Variants in SORCS2 observed in about 807,000 individuals in gnomAD.
The protein encoded by SORCS2 is VPS10 domain-containing receptor SorCS2.
In SORCS2, 100 loss-of-function variants were observed where a neutral mutation model predicts 141.6. The ratio of observed to expected loss-of-function variants is 0.71; its 90% CI spans 0.60 to 0.83. The LOEUF (loss-of-function observed/expected upper bound fraction) is 0.83. Ranked by LOEUF, SORCS2 falls within the 40% of genes least tolerant of loss-of-function variation. The probability of loss-of-function intolerance (pLI) is 0.00; values close to 1 mark genes in which losing one functional copy is unlikely to be tolerated. For missense variants in SORCS2, 1,646 were observed against 1,560.2 expected (o/e 1.05, Z -0.93); for synonymous variants, 789 against 676.9 (o/e 1.17, Z -2.57).
intron 2 of SORCS2, among the ~76,000 whole-genome samples, chr4:7,453,786 G>C: frequency 7.3e-6 from 1 of 137,572 alleles, no homozygotes; most frequent in East Asian, 2.4e-4. Context: ...CTGTGTGTTG[G>C]GGTCAGGAGC....
chr4:7,466,340 G>T (rs1465442894), intron 2 of SORCS2, among the ~76,000 whole-genome samples: 1 of 152,134 alleles, frequency 6.6e-6, no homozygotes, highest in Non-Finnish European at 1.5e-5. Context: ...GGGGGAGGGT[G>T]TTATGGGCTG....
In SORCS2 at chr4:7,471,986, AC is replaced by A. The variant is rs367784931; in HGVS notation, c.549-59541del. 4.0e-3 allele frequency among the ~76,000 whole-genome samples: 602 copies of A among 152,286 alleles called. 3 individuals are homozygous for A. Among genetic ancestry groups the A allele is most frequent in the African/African-American group, 0.014 (571 of 41,560 alleles). ...GCCTCCCTCTGGAGAAAGGCCCAGG[AC>A]CCGATTCAGCGGCATCATTCCCTAG... On this transcript the variant is annotated intron_variant, in intron 2 of 26. Transcript: ENST00000507866.
chr4:7,317,256 G>C (rs1171023520), intron 1 of SORCS2, among the ~76,000 whole-genome samples: 1 of 152,202 alleles, frequency 6.6e-6, no homozygotes, highest in African/African-American at 2.4e-5. Flanking sequence ...TGGGAACCCA[G>C]ATGAGGCACC....
chr4:7,277,038 A>G (rs912074365), intron 1 of SORCS2, among the ~76,000 whole-genome samples: 3 of 149,754 alleles, frequency 2.0e-5, no homozygotes, highest in Non-Finnish European at 4.4e-5. Context: ...GGCTATGTTA[A>G]CTGTCCAGCC....
chr4:7,286,996 T>G lies in SORCS2; in HGVS notation c.480+93870T>G, dbSNP rs925706536. Among the ~76,000 whole-genome samples the G allele has an allele frequency of 3.3e-5, 5 of 152,212 alleles. No individual in the cohort carries two copies. Among genetic ancestry groups the G allele is most frequent in the Non-Finnish European group, 5.9e-5 (4 of 68,026 alleles). ...TGCATCAGGTGGCTGCAGCCCGGCC[T>G]GGGAGTTGCCTCCTCCTCCAGGAAG... On this transcript the variant is annotated intron_variant, in intron 1 of 26. Coordinates refer to ENST00000507866, the MANE Select transcript of SORCS2 (RefSeq NM_020777.3). This position sits in a 1 kb window ranked among gnomAD's most constrained non-coding sequence, Gnocchi z 4.1.
At chr4:7,251,971 T>C (rs1203383901) in intron 1 of SORCS2, among the ~76,000 whole-genome samples, 1 of 152,068 alleles carries the variant, frequency 6.6e-6, no homozygotes, top group Non-Finnish European at 1.5e-5. Flanking sequence ...CAGCGGCCAG[T>C]ACTTATGACA....
intron 2 of SORCS2, among the ~76,000 whole-genome samples, chr4:7,505,848 T>C (rs1732245635): frequency 6.6e-6 from 1 of 152,090 alleles, no homozygotes; most frequent in Non-Finnish European, 1.5e-5. Context: ...CGCGGGGCCC[T>C]CATAGAGCTG....
chr4:7,368,902 G>T (rs769972254), intron 1 of SORCS2, among the ~76,000 whole-genome samples: 1 of 152,084 alleles, frequency 6.6e-6, no homozygotes, highest in African/African-American at 2.4e-5. Context: ...GAGATCTGAT[G>T]GTTTTAAAAA....
rs1726989906 is a variant in SORCS2, at chr4:7,724,666, ATAATGGTGGTAGTGG to A, written c.2612-486_2612-472del. ...GGAGGTGATGGTGGTAGTTATGGTG[ATAATGGTGGTAGTGG>A]TGATGGTGGTGGTGTTGGTGATGGT... On this transcript the variant is annotated intron_variant, in intron 19 of 26. Transcript: ENST00000507866. Among the ~76,000 whole-genome samples, 39 of 117,408 alleles carry A rather than the reference ATAATGGTGGTAGTGG, an allele frequency of 3.3e-4. 11 individuals carry two copies. Among genetic ancestry groups the A allele is most frequent in the Non-Finnish European group, 4.2e-4 (23 of 54,398 alleles). 77.0% of individuals were successfully genotyped at this position (117,408 alleles called of 152,430 possible).
intron 2 of SORCS2, chr4:7,433,262 G>A: frequency 7.5e-7 from 1 of 1,333,616 alleles, no homozygotes. Flanking sequence ...GATGGGGAAA[G>A]CACCCACCTC....
chr4:7,732,553 T>C (rs781214172), intron 23 of SORCS2, among the ~76,000 whole-genome samples: 10 of 152,258 alleles, frequency 6.6e-5, no homozygotes, highest in Middle Eastern at 3.4e-3. Context: ...TCCCTCACCC[T>C]ACAACCCAGC....
chr4:7,294,621 G>T (rs974724319), intron 1 of SORCS2, among the ~76,000 whole-genome samples: 2 of 150,348 alleles, frequency 1.3e-5, no homozygotes, highest in African/African-American at 4.9e-5. Context: ...CTTGCCGTGG[G>T]CAAATCCTCC....
At chr4:7,367,088 C>T (rs1258808507) in intron 1 of SORCS2, among the ~76,000 whole-genome samples, 1 of 152,184 alleles carries the variant, frequency 6.6e-6, no homozygotes, top group Non-Finnish European at 1.5e-5. Context: ...CCTCGGAGTA[C>T]AAGATCCCCA....
At chr4:7,401,224 T>C (rs1466709620) in intron 2 of SORCS2, among the ~76,000 whole-genome samples, 2 of 151,392 alleles carry the variant, frequency 1.3e-5, no homozygotes, top group Non-Finnish European at 2.9e-5. Context: ...GGTGGGTGGA[T>C]GGATGGATGG....
chr4:7,237,000 G>T (rs1042270874), intron 1 of SORCS2, among the ~76,000 whole-genome samples: 2 of 152,228 alleles, frequency 1.3e-5, no homozygotes, highest in African/African-American at 4.8e-5. Context: ...AAGACTGGTC[G>T]GGTGGGGCTC....
chr4:7,395,772 C>T (rs763547227), intron 1 of SORCS2, among the ~76,000 whole-genome samples: 7 of 152,180 alleles, frequency 4.6e-5, no homozygotes, highest in Non-Finnish European at 8.8e-5. Flanking sequence ...TGTGCCTCCC[C>T]AGGCACCACT....
chr4:7,335,764 C>G (rs546410196), intron 1 of SORCS2, among the ~76,000 whole-genome samples: 1 of 152,370 alleles, frequency 6.6e-6, no homozygotes, highest in Non-Finnish European at 1.5e-5. Flanking sequence ...CTTGCTCGGG[C>G]TCCCGGCTGG....
chr4:7,474,416 T>C (rs981655258), intron 2 of SORCS2, among the ~76,000 whole-genome samples: 8 of 152,140 alleles, frequency 5.3e-5, no homozygotes, highest in African/African-American at 1.9e-4. Context: ...TATGCAAATG[T>C]CAAAACCCCA....
chr4:7,196,894 C>T (rs941258992), intron 1 of SORCS2, among the ~76,000 whole-genome samples: 1 of 152,208 alleles, frequency 6.6e-6, no homozygotes, highest in African/African-American at 2.4e-5. Context: ...GCAGCTTCTA[C>T]TATACTACCC....
Sources: gnomAD v4.1 joint callset for allele counts (sites outside exome capture counted in the v4.1 genomes callset) on GRCh38, gnomAD v4.1.1 for gene constraint, Gnocchi (gnomAD v3.1) non-coding constraint, MANE v1.5 for transcripts, NCBI Gene and HGNC (gene_info 2026-07-23, HGNC 2026-07-21) for gene names.